Variants in TXLNB observed in about 807,000 individuals in gnomAD.
The protein encoded by TXLNB is taxilin beta.
TXLNB carries 37 observed loss-of-function variants against 57.4 expected under a neutral mutation model. The ratio of observed to expected loss-of-function variants is 0.64; its 90% CI spans 0.50 to 0.85. The LOEUF (loss-of-function observed/expected upper bound fraction) is 0.85, where lower values mean the gene tolerates loss of function less well. TXLNB is among the 40% of genes least tolerant of loss of function. The pLI is 0.00. For missense variants in TXLNB, 848 were observed against 825.6 expected, an observed-to-expected ratio of 1.03 and a Z score of -0.33; for synonymous variants, 302 against 309.6, an observed-to-expected ratio of 0.98 and a Z score of 0.26.
chr6:139,278,532 G>A (rs1776959558), intron 2 of TXLNB, among the ~76,000 whole-genome samples: 1 of 152,162 alleles, frequency 6.6e-6, no homozygotes, highest in South Asian at 2.1e-4. Context: ...ATTTGCATTG[G>A]TCAGGCCATC....
intron 4 of TXLNB, among the ~76,000 whole-genome samples, chr6:139,266,965 G>T: frequency 1.8e-5 from 2 of 110,494 alleles, no homozygotes; most frequent in East Asian, 3.0e-4. Context: ...AGGCTAAAAG[G>T]AAAAAAAAAA....
the TXLNB span, among the ~76,000 whole-genome samples, chr6:139,193,608 A>G: frequency 6.6e-6 from 1 of 151,072 alleles, no homozygotes; most frequent in South Asian, 2.1e-4. Context: ...ACAAGAGGGC[A>G]GGTGGAAGTC....
At chr6:139,228,187 G>C in the TXLNB span, among the ~76,000 whole-genome samples, 1 of 152,102 alleles carries the variant, frequency 6.6e-6, no homozygotes, top group Non-Finnish European at 1.5e-5. Context: ...GCAGATGACA[G>C]CAACCCATCC....
chr6:139,269,349 C>T (rs957606202), intron 4 of TXLNB, among the ~76,000 whole-genome samples: 4 of 152,162 alleles, frequency 2.6e-5, no homozygotes, highest in Non-Finnish European at 4.4e-5. Context: ...AGTGGATTTA[C>T]GCAGGCACAC....
chr6:139,196,360 A>T, the TXLNB span, among the ~76,000 whole-genome samples: 4 of 122,272 alleles, frequency 3.3e-5, no homozygotes, highest in East Asian at 2.4e-4. Context: ...GTATCTCCAG[A>T]TCTGGTTTTT....
At chr6:139,196,355 T>C in the TXLNB span, among the ~76,000 whole-genome samples, 1 of 144,392 alleles carries the variant, frequency 6.9e-6, no homozygotes. Flanking sequence ...CTACTGTATC[T>C]CCAGATCTGG....
chr6:139,222,832 AACAAAAACTAC>A, the TXLNB span, among the ~76,000 whole-genome samples: 1 of 152,154 alleles, frequency 6.6e-6, no homozygotes, highest in Non-Finnish European at 1.5e-5. Context: ...TAACAACAAA[AACAAAAACTAC>A]ACTGATAGTA....
At chr6:139,231,697 C>A in the TXLNB span, among the ~76,000 whole-genome samples, 2 of 151,966 alleles carry the variant, frequency 1.3e-5, no homozygotes. Flanking sequence ...TTGGAGACAC[C>A]AAAATCCTTA....
chr6:139,275,526 G>A (rs1262945776), intron 3 of TXLNB, among the ~76,000 whole-genome samples: 1 of 152,176 alleles, frequency 6.6e-6, no homozygotes, highest in African/African-American at 2.4e-5. Context: ...TCTTCGTGAA[G>A]TAGTTTGTGT....
At chr6:139,224,098 A>G in the TXLNB span, among the ~76,000 whole-genome samples, 1 of 148,160 alleles carries the variant, frequency 6.7e-6, no homozygotes, top group Non-Finnish European at 1.5e-5. Context: ...CATATACACC[A>G]TGGAATACTA....
the TXLNB span, among the ~76,000 whole-genome samples, chr6:139,210,949 T>G: frequency 2.6e-5 from 4 of 152,230 alleles, no homozygotes; most frequent in African/African-American, 4.8e-5. Context: ...CACCTGCCAC[T>G]GCTCAGGCTT....
At chr6:139,270,333 C>A in intron 4 of TXLNB, 123 bp downstream of exon 4, 1 of 885,156 alleles carries the variant, frequency 1.1e-6, no homozygotes, top group Non-Finnish European at 1.7e-6. Flanking sequence ...AAGCAAGGGG[C>A]AGAGGCAGTA....
At chr6:139,244,772 G>A (rs926979027) in intron 8 of TXLNB, 82 bp from the exon 9 acceptor site, 2 of 896,344 alleles carry the variant, frequency 2.2e-6, no homozygotes, top group African/African-American at 1.7e-5. Context: ...GTGAGACCAG[G>A]AGAAGCCCTT....
At chr6:139,243,994 TC>T (rs145329595) in intron 9 of TXLNB, among the ~76,000 whole-genome samples, 12,801 of 152,040 alleles carry the variant, frequency 0.084, 579 homozygotes, top group Middle Eastern at 0.11. Context: ...AGACCTTTTT[TC>T]CCCCACTCGT....
chr6:139,213,554 C>G, the TXLNB span, among the ~76,000 whole-genome samples: 1 of 152,042 alleles, frequency 6.6e-6, no homozygotes, highest in African/African-American at 2.4e-5. Flanking sequence ...ACCCTAACAT[C>G]ACAATTAAAA....
rs760530552 is a variant in TXLNB at position 139,288,690 on chromosome 6, A to G, written c.210T>C (p.Tyr70=). ...NRQLEDIINT[Y]GSAASTAGKE... ...TCCCTGCTGTGCTGGCAGCAGACCC[A>G]TAAGTGTTAATGATGTCTTCCAGCT... Residue 70 remains tyrosine (Y), a synonymous_variant, in exon 2 of 10, where the codon TAT becomes TAC. Transcript: ENST00000358430. 4.3e-6 allele frequency: 7 copies of G among 1,614,140 alleles called. No homozygotes were observed. The Admixed American group carries it at 5.0e-5, about 12-fold the overall frequency.
At chr6:139,214,813 G>A in the TXLNB span, among the ~76,000 whole-genome samples, 3 of 152,176 alleles carry the variant, frequency 2.0e-5, no homozygotes, top group South Asian at 2.1e-4. Flanking sequence ...AAAAATCACA[G>A]GCATTCTTAT....
At chr6:139,258,581 C>T (rs1465682459) in intron 6 of TXLNB, among the ~76,000 whole-genome samples, 2 of 152,090 alleles carry the variant, frequency 1.3e-5, no homozygotes, top group African/African-American at 2.4e-5. Flanking sequence ...CTTTTTGTTG[C>T]CATGTTTGAA....
the TXLNB span, among the ~76,000 whole-genome samples, chr6:139,306,184 G>T: frequency 6.6e-6 from 1 of 152,176 alleles, no homozygotes; most frequent in Non-Finnish European, 1.5e-5. Context: ...CCTTAAGGTT[G>T]TAAGGTGATT....
Sources: allele counts gnomAD v4.1 joint callset (sites outside exome capture counted in the v4.1 genomes callset), GRCh38; gene constraint gnomAD v4.1.1; transcripts MANE v1.5; gene names NCBI Gene and HGNC (gene_info 2026-07-23, HGNC 2026-07-21).